Variants in MPDZ observed in about 807,000 individuals in gnomAD.
MPDZ encodes multiple PDZ domain protein.
MPDZ carries 234 observed loss-of-function variants against 239.1 expected under a neutral mutation model. The ratio of observed to expected loss-of-function variants is 0.98; its 90% CI spans 0.88 to 1.09. MPDZ has a LOEUF of 1.09. MPDZ is among the 50% of genes least tolerant of loss of function. The pLI is 0.00. For missense variants in MPDZ, 3,175 were observed against 2,510.0 expected (o/e 1.26, Z -5.66); for synonymous variants, 1,048 against 881.3 (o/e 1.19, Z -3.35).
chr9:13,115,328 GGGAAC>G lies in MPDZ; in HGVS notation c.5381_5385del (p.Cys1794SerfsTer30). The stretch of plus-strand genomic sequence containing the variant: ...CCAACTTCCAAGGTTACTGTGCCTA[GGGAAC>G]ACTGGGGGTGGGCATGGGGGGTGTT... On this transcript the variant is annotated frameshift_variant and splice_region_variant, in exon 40 of 47. Coordinates refer to ENST00000319217, the MANE Select transcript of MPDZ (RefSeq NM_001378778.1). LOFTEE classifies it high-confidence loss of function. The G allele has an allele frequency of 6.2e-7, 1 of 1,612,382 alleles. No individual in the cohort carries two copies. Among genetic ancestry groups the G allele is most frequent in the African/African-American group, 1.3e-5 (1 of 75,002 alleles).
chr9:13,208,295 T>C (rs771856627), intron 10 of MPDZ, among the ~76,000 whole-genome samples: 3 of 151,666 alleles, frequency 2.0e-5, no homozygotes, highest in Non-Finnish European at 4.4e-5. Context: ...AACAGAAAAA[T>C]TACCCAGGCG....
chr9:13,204,715 G>A (rs1221881321), intron 12 of MPDZ, among the ~76,000 whole-genome samples: 2 of 152,054 alleles, frequency 1.3e-5, no homozygotes, highest in Non-Finnish European at 2.9e-5. Context: ...TAGAAACAAA[G>A]AGATTAAATT....
At chr9:13,147,072 C>T (rs1302412782) in intron 26 of MPDZ, among the ~76,000 whole-genome samples, 6 of 151,924 alleles carry the variant, frequency 3.9e-5, no homozygotes, top group Non-Finnish European at 5.9e-5. Context: ...GCAAATTTAA[C>T]GTTCAGTGGG....
intron 3 of MPDZ, among the ~76,000 whole-genome samples, chr9:13,240,629 A>G (rs1397702678): frequency 6.7e-6 from 1 of 149,998 alleles, no homozygotes; most frequent in Non-Finnish European, 1.5e-5. Flanking sequence ...AGGGTTAGAC[A>G]GACCTCAAAT....
intron 19 of MPDZ, among the ~76,000 whole-genome samples, chr9:13,177,015 T>C (rs1952589935): frequency 6.6e-6 from 1 of 152,196 alleles, no homozygotes; most frequent in South Asian, 2.1e-4. Context: ...AGACGGGTTG[T>C]CATAAAATGT....
At position 13,130,481 on chromosome 9, in the gene MPDZ, C is replaced by G. The variant is rs370658695; in HGVS notation, c.4464+3343G>C. 9.2e-5 allele frequency among the ~76,000 whole-genome samples: 14 copies of G among 152,202 alleles called. No individual in the cohort carries two copies. In the East Asian group the frequency reaches 2.5e-3, roughly 27 times the overall value. Reference sequence around the variant, plus strand: ...TACAGTCTGAACTATGTTGATGACACTGAGTAATGGAAAAAAAAGTGAGAA... The same window carrying G: ...TACAGTCTGAACTATGTTGATGACAGTGAGTAATGGAAAAAAAAGTGAGAA... On this transcript the variant is annotated intron_variant, in intron 32 of 46. Transcript: ENST00000319217.
intron 3 of MPDZ, among the ~76,000 whole-genome samples, chr9:13,229,127 CTG>C (rs1961590668): frequency 6.6e-6 from 1 of 152,186 alleles, no homozygotes; most frequent in African/African-American, 2.4e-5. Flanking sequence ...GAAGGTCACT[CTG>C]TGTGAATAAC....
At chr9:13,221,298 C>A in intron 7 of MPDZ, 74 bp downstream of exon 7, 1 of 1,424,438 alleles carries the variant, frequency 7.0e-7, no homozygotes, top group Non-Finnish European at 9.3e-7. Context: ...TTTCTTCTTT[C>A]CAACAAAAAA....
chr9:13,119,423 T>A, intron 39 of MPDZ, 79 bp downstream of exon 39: 1 of 1,482,828 alleles, frequency 6.7e-7, no homozygotes, highest in Non-Finnish European at 9.1e-7. Context: ...TCATTACTAA[T>A]TTGACTATGA....
intron 24 of MPDZ, 38 bp downstream of exon 24, chr9:13,157,980 T>A: frequency 6.5e-7 from 1 of 1,538,862 alleles, no homozygotes; most frequent in Non-Finnish European, 9.0e-7. Flanking sequence ...AAACACTATA[T>A]ATCCATTGGG....
At chr9:13,205,332 G>A (rs983609610) in intron 11 of MPDZ, among the ~76,000 whole-genome samples, 1 of 152,146 alleles carries the variant, frequency 6.6e-6, no homozygotes, top group African/African-American at 2.4e-5. Context: ...TGTATAAATG[G>A]CATAAATATC....
chr9:13,207,471 A>G (rs1449451934), intron 10 of MPDZ, among the ~76,000 whole-genome samples: 1 of 152,152 alleles, frequency 6.6e-6, no homozygotes, highest in Non-Finnish European at 1.5e-5. Context: ...CTCTTCAGCC[A>G]TGGAGTCTCC....
chr9:13,255,898 C>T (rs575507439), intron 1 of MPDZ, among the ~76,000 whole-genome samples: 339 of 152,294 alleles, frequency 2.2e-3, no homozygotes, highest in Non-Finnish European at 4.2e-3. Flanking sequence ...AATGAGAGAG[C>T]CTCTTTAAAG....
intron 12 of MPDZ, among the ~76,000 whole-genome samples, chr9:13,203,728 CCACACACACACACACACA>C (rs58472339): frequency 6.1e-4 from 86 of 140,556 alleles, no homozygotes; most frequent in Non-Finnish European, 9.0e-4. Flanking sequence ...ATGTATCCTG[CCACACACACACACACACA>C]CACACACACA....
At chr9:13,216,408 T>G (rs1958350405) in intron 10 of MPDZ, among the ~76,000 whole-genome samples, 1 of 148,726 alleles carries the variant, frequency 6.7e-6, no homozygotes. Flanking sequence ...AATGCAGGCA[T>G]CCCTAATTCA....
chr9:13,193,166 C>T lies in MPDZ; in HGVS notation c.1803+1G>A. 1 of 1,571,134 alleles carries T rather than the reference C, an allele frequency of 6.4e-7. No individual in the cohort carries two copies. The highest frequency in any genetic ancestry group is 8.7e-7 in the Non-Finnish European group (1 of 1,154,526). On this transcript the variant is annotated splice_donor_variant, in intron 14 of 46. Coordinates refer to ENST00000319217, the MANE Select transcript of MPDZ (RefSeq NM_001378778.1). LOFTEE classifies it high-confidence loss of function. ...GGAGAAGGAACAGCATAGCTCCTTA[C>T]TTCCAATAGCTCGTCTCCACTGAAG...
intron 3 of MPDZ, among the ~76,000 whole-genome samples, chr9:13,225,754 T>C (rs137902324): frequency 6.6e-6 from 1 of 152,178 alleles, no homozygotes; most frequent in Non-Finnish European, 1.5e-5. Flanking sequence ...TGGGTAAGTA[T>C]ACCCTACGAT....
chr9:13,156,845 T>G (rs1197765806), intron 24 of MPDZ, among the ~76,000 whole-genome samples: 2 of 152,134 alleles, frequency 1.3e-5, no homozygotes, highest in African/African-American at 4.8e-5. Flanking sequence ...CACAAATAAA[T>G]AAGACACTTA....
At chr9:13,201,214 C>G (rs1956349261) in intron 12 of MPDZ, among the ~76,000 whole-genome samples, 1 of 152,080 alleles carries the variant, frequency 6.6e-6, no homozygotes, top group South Asian at 2.1e-4. Flanking sequence ...CCTATTTTAT[C>G]TGACATAAGT....
Sources: allele counts gnomAD v4.1 joint callset (sites outside exome capture counted in the v4.1 genomes callset), GRCh38; gene constraint gnomAD v4.1.1; transcripts MANE v1.5; gene names NCBI Gene and HGNC (gene_info 2026-07-23, HGNC 2026-07-21).